The following MEIOSIN variants were observed in gnomAD, a reference collection of about 807,000 sequenced individuals.
MEIOSIN encodes meiosis initiator protein.
Under a neutral mutation model 23.4 loss-of-function variants are expected in MEIOSIN, and 18 were observed. The ratio of observed to expected loss-of-function variants is 0.77; its 90% CI spans 0.53 to 1.14. MEIOSIN has a LOEUF of 1.14. Ranked by LOEUF, MEIOSIN falls within the 50% of genes most tolerant of loss-of-function variation. The pLI is 0.00. For missense variants in MEIOSIN, 428 were observed against 242.9 expected, an observed-to-expected ratio of 1.76 and a Z score of -5.07; for synonymous variants, 187 against 100.6, an observed-to-expected ratio of 1.86 and a Z score of -5.14.
chr19:45,736,055 C>T (rs1185253091), intron 2 of MEIOSIN, among the ~76,000 whole-genome samples: 1 of 151,956 alleles, frequency 6.6e-6, no homozygotes, highest in Non-Finnish European at 1.5e-5. Context: ...TGTTTGTTTT[C>T]AGAGTTAGGG....
intron 10 of MEIOSIN, 120 bp downstream of exon 10, chr19:45,759,153 C>T (rs935348622): frequency 3.1e-6 from 2 of 651,448 alleles, no homozygotes; most frequent in South Asian, 1.7e-5. Context: ...CTCAAGGAGC[C>T]CACGGCCTAG....
intron 5 of MEIOSIN, among the ~76,000 whole-genome samples, chr19:45,751,309 A>AATAATAATAAT (rs1444918304): frequency 1.8e-4 from 26 of 146,892 alleles, no homozygotes; most frequent in Non-Finnish European, 3.3e-4. Flanking sequence ...TAATAATAAT[A>AATAATAATAAT]ATATATACAT....
At chr19:45,743,936 T>A (rs1453976449) in intron 3 of MEIOSIN, among the ~76,000 whole-genome samples, 4 of 152,070 alleles carry the variant, frequency 2.6e-5, no homozygotes, top group African/African-American at 9.7e-5. Flanking sequence ...GGATTACAGA[T>A]GTGAGCCACC....
At chr19:45,741,820 C>T (rs552124722) in intron 3 of MEIOSIN, among the ~76,000 whole-genome samples, 28 of 151,570 alleles carry the variant, frequency 1.8e-4, no homozygotes, top group Non-Finnish European at 3.1e-4. Context: ...ATAGAGAGAC[C>T]GCGTCTCCAA....
At chr19:45,759,123 G>A (rs1217581787) in intron 10 of MEIOSIN, 90 bp downstream of exon 10, 1 of 682,346 alleles carries the variant, frequency 1.5e-6, no homozygotes, top group Non-Finnish European at 2.7e-6. Context: ...TGCCCGGGGT[G>A]AATCCTGCCC....
At chr19:45,749,594 C>T (rs1240802597) in intron 4 of MEIOSIN, among the ~76,000 whole-genome samples, 1 of 133,686 alleles carries the variant, frequency 7.5e-6, no homozygotes, top group African/African-American at 2.8e-5. Context: ...ATGGCATGAA[C>T]CCGGGAGGCG....
chr19:45,752,560 C>G (rs1968734256), intron 5 of MEIOSIN, among the ~76,000 whole-genome samples: 1 of 151,998 alleles, frequency 6.6e-6, no homozygotes, highest in Non-Finnish European at 1.5e-5. Context: ...ACTGTGTTGC[C>G]CAAGCTGGTC....
intron 6 of MEIOSIN, 122 bp downstream of exon 6, chr19:45,753,910 G>A: frequency 3.3e-6 from 2 of 603,254 alleles, no homozygotes; most frequent in Non-Finnish European, 5.9e-6. Context: ...TCAACTCCCA[G>A]CTCCTCCTTG....
chr19:45,751,817 G>A (rs10416076), intron 5 of MEIOSIN, among the ~76,000 whole-genome samples: 70,829 of 149,756 alleles, frequency 0.47, 17,114 homozygotes, highest in East Asian at 0.65. Context: ...CGCAACCTCT[G>A]CCTTCCAAGT....
intron 3 of MEIOSIN, 83 bp downstream of exon 3, chr19:45,739,813 C>T (rs1968469956): frequency 2.9e-6 from 2 of 693,948 alleles, no homozygotes; most frequent in African/African-American, 3.5e-5. Context: ...CCCCTAAAAT[C>T]ATTCTGACAA....
In MEIOSIN at chr19:45,762,954, C is replaced by T. The variant is rs148767613; in HGVS notation, c.1680-384C>T. On this transcript the variant is annotated intron_variant, in intron 13 of 14. Transcript: ENST00000457052. ...GTCCTGTCCCCCACCCAAGCGACCCCGGGAGGAGGAGAGGTCTCTAAGGTT... is the reference window on the plus strand; with the variant it reads ...GTCCTGTCCCCCACCCAAGCGACCCTGGGAGGAGGAGAGGTCTCTAAGGTT... Among the ~76,000 whole-genome samples the T allele has an allele frequency of 5.0e-3, 768 of 152,290 alleles. 4 individuals carry two copies. Among genetic ancestry groups the T allele is most frequent in the Non-Finnish European group, 7.0e-3 (476 of 68,022 alleles).
chr19:45,747,535 C>T (rs532520166), intron 4 of MEIOSIN, among the ~76,000 whole-genome samples: 8 of 152,212 alleles, frequency 5.3e-5, no homozygotes, highest in Non-Finnish European at 8.8e-5. Context: ...CATCTCTGTC[C>T]GCCTTGCCCA....
chr19:45,748,070 T>C (rs1430417308), intron 4 of MEIOSIN, among the ~76,000 whole-genome samples: 2 of 151,112 alleles, frequency 1.3e-5, no homozygotes. Context: ...AGCAACAGAG[T>C]AAGACCCTGT....
At chr19:45,751,412 A>G (rs1320923980) in intron 5 of MEIOSIN, among the ~76,000 whole-genome samples, 3 of 151,832 alleles carry the variant, frequency 2.0e-5, no homozygotes, top group African/African-American at 7.3e-5. Flanking sequence ...CAGGTGCTGG[A>G]AACCATTTGG....
intron 4 of MEIOSIN, among the ~76,000 whole-genome samples, chr19:45,746,494 A>T (rs1443481586): frequency 6.6e-6 from 1 of 152,064 alleles, no homozygotes. Context: ...CTGTAAGATT[A>T]TATGTGATTA....
chr19:45,753,051 G>A (rs1049023116), intron 5 of MEIOSIN, among the ~76,000 whole-genome samples: 4 of 150,616 alleles, frequency 2.7e-5, no homozygotes, highest in South Asian at 4.2e-4. Context: ...AGCCTCCCAA[G>A]TAACTGGGAT....
At chr19:45,745,625 C>A (rs866522139) in intron 4 of MEIOSIN, among the ~76,000 whole-genome samples, 1 of 152,204 alleles carries the variant, frequency 6.6e-6, no homozygotes, top group African/African-American at 2.4e-5. Flanking sequence ...CTACAGAACT[C>A]TGGGCAGTTT....
chr19:45,745,719 A>G (rs1968581308), intron 4 of MEIOSIN, among the ~76,000 whole-genome samples: 1 of 152,108 alleles, frequency 6.6e-6, no homozygotes. Flanking sequence ...GGCACAGGCC[A>G]CCACACCCGG....
rs1968687507 is a variant in MEIOSIN at position 45,750,709 on chromosome 19, A to G, written c.341A>G (p.Gln114Arg). ...CTGGTGCATGTCCTGCAGTACATTC[A>G]GTACCTCCAGAGAAACATCGATGCC... ...EILVHVLQYIQYLQRNIDAAK... is the reference protein window; with the variant it reads ...EILVHVLQYIRYLQRNIDAAK... The change falls in exon 5 of 15, where the codon CAG (glutamine) becomes CGG (arginine). Residue 114 changes from glutamine to arginine, a missense_variant. Gln to Arg is a conservative substitution (Grantham distance 43). Transcript: ENST00000457052. The G allele has an allele frequency of 6.3e-6, 4 of 636,328 alleles. No homozygotes were observed. The highest frequency in any genetic ancestry group is 1.1e-5 in the Non-Finnish European group (4 of 357,518). The allele number at this position is 636,328 out of a possible 1,614,324, so 39.4% of individuals were successfully genotyped here.
Sources: gnomAD v4.1 joint callset for allele counts (sites outside exome capture counted in the v4.1 genomes callset) on GRCh38, gnomAD v4.1.1 for gene constraint, MANE v1.5 for transcripts, NCBI Gene and HGNC (gene_info 2026-07-23, HGNC 2026-07-21) for gene names.